The following DISC1 variants were observed in gnomAD, a reference collection of about 807,000 sequenced individuals.
DISC1 encodes DISC1 scaffold protein, also known as disrupted in schizophrenia 1 protein.
Under a neutral mutation model 84.5 loss-of-function variants are expected in DISC1, and 57 were observed. That is an observed-to-expected ratio of 0.67 (90% CI 0.55 to 0.84). DISC1 has a LOEUF of 0.84. DISC1 is among the 40% of genes least tolerant of loss of function. DISC1 has a pLI of 0.00. For synonymous variants in DISC1, 411 were observed against 415.2 expected, an observed-to-expected ratio of 0.99 and a Z score of 0.12; for missense variants, 1,000 against 1,057.8, an observed-to-expected ratio of 0.95 and a Z score of 0.76.
At chr1:232,008,673 C>A in intron 10 of DISC1, 112 bp from the exon 11 acceptor site, 1 of 1,265,534 alleles carries the variant, frequency 7.9e-7, no homozygotes, top group Non-Finnish European at 1.1e-6. Flanking sequence ...GAAATTAAGT[C>A]ATCAAGTATA....
At chr1:231,643,475 A>G (rs2059893069) in intron 1 of DISC1, among the ~76,000 whole-genome samples, 1 of 152,250 alleles carries the variant, frequency 6.6e-6, no homozygotes, top group African/African-American at 2.4e-5. Flanking sequence ...TTCTCCTAGC[A>G]GTCAAAAATT....
chr1:231,739,646 C>T (rs1025110335), intron 3 of DISC1, among the ~76,000 whole-genome samples: 1 of 152,200 alleles, frequency 6.6e-6, no homozygotes, highest in Non-Finnish European at 1.5e-5. Context: ...TCTTCAAGGG[C>T]CAGGAATGTG....
chr1:231,946,728 A>G (rs991612392), intron 9 of DISC1, among the ~76,000 whole-genome samples: 5 of 152,244 alleles, frequency 3.3e-5, no homozygotes, highest in African/African-American at 1.2e-4. Context: ...GTCTGAGCCC[A>G]AAATCTTCTT....
chr1:231,833,754 G>A (rs1165048589), intron 9 of DISC1, among the ~76,000 whole-genome samples: 2 of 152,200 alleles, frequency 1.3e-5, no homozygotes, highest in African/African-American at 2.4e-5. Flanking sequence ...TGCTGGAGAT[G>A]TGGCTGGGGT....
intron 8 of DISC1, among the ~76,000 whole-genome samples, chr1:231,816,434 C>A (rs1247921490): frequency 1.3e-5 from 2 of 152,212 alleles, no homozygotes; most frequent in East Asian, 1.9e-4. Flanking sequence ...TTTGATAAAG[C>A]CCATTTATCC....
chr1:231,946,492 C>T, intron 9 of DISC1, among the ~76,000 whole-genome samples: 1 of 152,116 alleles, frequency 6.6e-6, no homozygotes, highest in East Asian at 1.9e-4. Context: ...ATGACAAACC[C>T]ACAGCCAATA....
intron 9 of DISC1, among the ~76,000 whole-genome samples, chr1:231,833,363 C>T (rs1186653669): frequency 5.3e-5 from 8 of 151,244 alleles, no homozygotes; most frequent in East Asian, 1.9e-4. Context: ...GGGTAGCCTC[C>T]ATATTGATTA....
chr1:231,851,322 C>G (rs2083882224), intron 9 of DISC1, among the ~76,000 whole-genome samples: 1 of 152,212 alleles, frequency 6.6e-6, no homozygotes. Flanking sequence ...CGCCGCCTTT[C>G]TCTAACTCTT....
At chr1:231,835,530 G>A (rs538595535) in intron 9 of DISC1, among the ~76,000 whole-genome samples, 2 of 152,272 alleles carry the variant, frequency 1.3e-5, no homozygotes, top group South Asian at 2.1e-4. Context: ...GCAGGAACAG[G>A]CCATTTTCAC....
Position 231,749,813 on chromosome 1 carries a change from CATG to C in DISC1, c.1118-109_1118-107del, listed in dbSNP as rs750192917. 1.8e-4 allele frequency: 254 copies of C among 1,411,580 alleles called. 2 individuals carry two copies. The highest frequency in any genetic ancestry group is 8.8e-4 in the Middle Eastern group (5 of 5,698). 87.4% of individuals were successfully genotyped at this position (1,411,580 alleles called of 1,614,324 possible). A position where few individuals can be genotyped will look rare whatever the true frequency, so the allele number is the denominator to read the frequency against. On this transcript the variant is annotated intron_variant, in intron 3 of 12. Coordinates refer to ENST00000439617, the MANE Select transcript of DISC1 (RefSeq NM_018662.3). ...CTGGCCTAGAAACTAGTAACCTTGT[CATG>C]ATGTCATTAAGGCAAAGGTTCACTA...
rs147484877 is a variant in DISC1 at position 231,663,394 on chromosome 1, G to A, written c.68-30432G>A. On this transcript the variant is annotated intron_variant, in intron 1 of 12. Coordinates refer to ENST00000439617, the MANE Select transcript of DISC1 (RefSeq NM_018662.3). ...CCTGAATAATGCAGTATGTGGGCTA[G>A]TCCAGCCTCTCTCATGATTTCCACA... is the stretch of plus-strand genomic sequence containing the variant. Among the ~76,000 whole-genome samples the A allele has an allele frequency of 2.0e-5, 3 of 152,286 alleles. No individual in the cohort carries two copies. The East Asian group carries it at 5.8e-4, about 29-fold the overall frequency.
intron 6 of DISC1, among the ~76,000 whole-genome samples, chr1:231,773,002 A>G (rs2076673461): frequency 1.3e-5 from 2 of 152,152 alleles, no homozygotes; most frequent in Non-Finnish European, 2.9e-5. Context: ...ACCATTCTTC[A>G]GCTATTGCCT....
intron 9 of DISC1, among the ~76,000 whole-genome samples, chr1:231,852,731 A>C (rs562560095): frequency 6.6e-6 from 1 of 152,360 alleles, no homozygotes; most frequent in Admixed American, 6.5e-5. Context: ...CAGCTTTGTA[A>C]TAATGAAGAT....
At chr1:231,828,243 T>C (rs185578520) in intron 9 of DISC1, among the ~76,000 whole-genome samples, 85 of 152,314 alleles carry the variant, frequency 5.6e-4, no homozygotes, top group African/African-American at 1.9e-3. Context: ...TTGGACAGGG[T>C]GACTGAAATC....
intron 9 of DISC1, among the ~76,000 whole-genome samples, chr1:231,874,193 C>G (rs867726066): frequency 2.0e-5 from 3 of 151,916 alleles, no homozygotes; most frequent in Non-Finnish European, 2.9e-5. Context: ...AAGTCTCACT[C>G]TGTCACCAGG....
intron 11 of DISC1, among the ~76,000 whole-genome samples, chr1:232,011,414 G>A (rs1439537841): frequency 1.3e-5 from 2 of 152,112 alleles, no homozygotes; most frequent in African/African-American, 2.4e-5. Context: ...GCTTTAGAGG[G>A]GACCTTACAG....
intron 1 of DISC1, among the ~76,000 whole-genome samples, chr1:231,674,881 G>A (rs561078315): frequency 3.9e-5 from 6 of 152,296 alleles, no homozygotes; most frequent in Admixed American, 3.3e-4. Flanking sequence ...TGTTCCGGAT[G>A]TCCCTTTGTT....
chr1:231,860,131 C>G (rs7532753), intron 9 of DISC1, among the ~76,000 whole-genome samples: 1 of 152,112 alleles, frequency 6.6e-6, no homozygotes, highest in Non-Finnish European at 1.5e-5. Context: ...CATACAATTT[C>G]ATATTTGCAA....
At chr1:231,945,807 A>G (rs1309897064) in intron 9 of DISC1, among the ~76,000 whole-genome samples, 1 of 152,182 alleles carries the variant, frequency 6.6e-6, no homozygotes, top group Non-Finnish European at 1.5e-5. Context: ...CAGAAATACA[A>G]ACTACCATCA....
Sources: allele counts gnomAD v4.1 joint callset (sites outside exome capture counted in the v4.1 genomes callset), GRCh38; gene constraint gnomAD v4.1.1; transcripts MANE v1.5; gene names NCBI Gene and HGNC (gene_info 2026-07-23, HGNC 2026-07-21).